The following PCDH15 variants were observed in gnomAD, a reference collection of about 807,000 sequenced individuals.
The protein encoded by PCDH15 is protocadherin related 15, also known as protocadherin-15.
Under a neutral mutation model 178.5 loss-of-function variants are expected in PCDH15, and 129 were observed. The ratio of observed to expected loss-of-function variants is 0.72; its 90% CI spans 0.63 to 0.84. The LOEUF is 0.84. Among genes scored for constraint, PCDH15 ranks in the 40% least tolerant of loss-of-function variants. PCDH15 has a pLI of 0.00. For synonymous variants in PCDH15, 800 were observed against 732.0 expected (o/e 1.09, Z -1.50); for missense variants, 2,230 against 2,099.9 (o/e 1.06, Z -1.21).
intron 1 of PCDH15, among the ~76,000 whole-genome samples, chr10:55,311,662 T>C (rs1843590333): frequency 6.6e-6 from 1 of 152,168 alleles, no homozygotes; most frequent in Non-Finnish European, 1.5e-5. Context: ...AGGTAGTAGG[T>C]AGGCAGCCTG....
intron 3 of PCDH15, among the ~76,000 whole-genome samples, chr10:54,473,644 A>C (rs1361459017): frequency 6.6e-6 from 1 of 152,056 alleles, no homozygotes; most frequent in African/African-American, 2.4e-5. Flanking sequence ...TCTTCAGTTT[A>C]TTATGAGTTC....
intron 13 of PCDH15, among the ~76,000 whole-genome samples, chr10:54,162,556 T>A (rs904120850): frequency 6.6e-6 from 1 of 152,184 alleles, no homozygotes; most frequent in Non-Finnish European, 1.5e-5. Flanking sequence ...TGAGAGAACA[T>A]TTTATAGCAA....
rs2093549782 is a variant in PCDH15 at position 54,626,337 on chromosome 10, C to T, written c.91+37835G>A. Among the ~76,000 whole-genome samples the T allele has an allele frequency of 3.3e-5, 5 of 152,158 alleles. No homozygotes were observed. In the South Asian group the frequency reaches 1.0e-3, roughly 32 times the overall value. On this transcript the variant is annotated intron_variant, in intron 2 of 37. Transcript: ENST00000644397. ...GTCTCCAGGGCCTGTCAGAGGTCTTCACAGCAGGCCCTTATACCACAGGCC... is the reference window on the plus strand; with the variant it reads ...GTCTCCAGGGCCTGTCAGAGGTCTTTACAGCAGGCCCTTATACCACAGGCC...
At chr10:54,515,682 C>T (rs900787510) in intron 3 of PCDH15, among the ~76,000 whole-genome samples, 7 of 152,342 alleles carry the variant, frequency 4.6e-5, no homozygotes, top group Non-Finnish European at 7.3e-5. Context: ...AGACTGCCTC[C>T]TTAAGTGGGT....
chr10:54,317,092 T>C (rs2061323162), intron 8 of PCDH15, among the ~76,000 whole-genome samples, 179 bp downstream of exon 8: 2 of 152,216 alleles, frequency 1.3e-5, no homozygotes, highest in Non-Finnish European at 2.9e-5. Context: ...ATTATATAAT[T>C]ACTCTTTGTG....
intron 28 of PCDH15, among the ~76,000 whole-genome samples, chr10:53,851,671 AATATATATATATATAT>A (rs71004485): frequency 0.017 from 1,745 of 104,492 alleles, 42 homozygotes; most frequent in African/African-American, 0.031. Context: ...TCCTCCTAGA[AATATATATATATATAT>A]ATATATATAT....
At chr10:54,383,631 G>T (rs1478791360) in intron 3 of PCDH15, among the ~76,000 whole-genome samples, 8 of 145,156 alleles carry the variant, frequency 5.5e-5, no homozygotes, top group African/African-American at 2.1e-4. Context: ...GTGTGTTTTT[G>T]TGTGTGTGTG....
intron 2 of PCDH15, among the ~76,000 whole-genome samples, chr10:54,598,770 C>T (rs1217977821): frequency 6.6e-6 from 1 of 152,012 alleles, no homozygotes; most frequent in Non-Finnish European, 1.5e-5. Context: ...ACAACTTCAG[C>T]AAAGTATCAA....
intron 1 of PCDH15, among the ~76,000 whole-genome samples, chr10:55,188,285 C>T (rs900265396): frequency 4.6e-5 from 7 of 151,540 alleles, no homozygotes; most frequent in Admixed American, 1.3e-4. Flanking sequence ...CTCACGCTTT[C>T]TATTTTTTTT....
At chr10:55,323,934 C>A (rs1377968620), upstream of PCDH15, among the ~76,000 whole-genome samples, 2 of 152,146 alleles carry the variant, frequency 1.3e-5, no homozygotes, top group Non-Finnish European at 2.9e-5. Context: ...AATGCCCATG[C>A]ATCAAGGATG....
chr10:55,620,314 T>G (rs1843565850), intron 2 of PCDH15, among the ~76,000 whole-genome samples: 2 of 152,072 alleles, frequency 1.3e-5, no homozygotes, highest in African/African-American at 2.4e-5. Flanking sequence ...AACTATTTTT[T>G]TTTTTGCATG....
intron 2 of PCDH15, among the ~76,000 whole-genome samples, chr10:55,330,010 T>C (rs1011337679): frequency 6.6e-6 from 1 of 151,802 alleles, no homozygotes; most frequent in African/African-American, 2.4e-5. Flanking sequence ...AATGACATAA[T>C]TGACATGTTA....
intron 2 of PCDH15, among the ~76,000 whole-genome samples, chr10:54,981,810 C>T (rs929809672): frequency 7.9e-5 from 12 of 152,034 alleles, no homozygotes; most frequent in African/African-American, 2.4e-4. Context: ...AGGTCTCATT[C>T]TGCTGCCCAG....
intron 3 of PCDH15, among the ~76,000 whole-genome samples, chr10:54,854,543 A>G (rs1584901): frequency 0.45 from 68,986 of 151,870 alleles, 18,012 homozygotes; most frequent in African/African-American, 0.71. Context: ...CTGCAGCCAG[A>G]GTGTCCCAAT....
At chr10:54,803,873 A>G (rs894477459), upstream of PCDH15, among the ~76,000 whole-genome samples, 12 of 152,112 alleles carry the variant, frequency 7.9e-5, no homozygotes, top group Non-Finnish European at 1.6e-4. Flanking sequence ...AAAAAATTTT[A>G]AAAGTCACAT....
At chr10:54,256,348 G>A (rs1227251808) in intron 8 of PCDH15, among the ~76,000 whole-genome samples, 1 of 152,058 alleles carries the variant, frequency 6.6e-6, no homozygotes, top group Non-Finnish European at 1.5e-5. Flanking sequence ...TGAATCAGAT[G>A]GTCAGCTTTA....
chr10:55,413,573 A>AT (rs1048808693), intron 2 of PCDH15, among the ~76,000 whole-genome samples: 2 of 151,700 alleles, frequency 1.3e-5, no homozygotes, highest in East Asian at 3.9e-4. Flanking sequence ...CTATCTATGT[A>AT]TTTTTTTCAA....
Position 54,581,968 on chromosome 10 carries a change from C to T in PCDH15, c.92-54091G>A, listed in dbSNP as rs188686128. ...ATGTAATACTTCAAACTATAAAAAC[C>T]CTAGAAAAAAACCCAAGCAACATCA... On this transcript the variant is annotated intron_variant, in intron 2 of 37. Coordinates refer to ENST00000644397, the MANE Select transcript of PCDH15 (RefSeq NM_001384140.1). Among the ~76,000 whole-genome samples, 568 of 151,806 alleles carry T rather than the reference C, an allele frequency of 3.7e-3. 3 individuals carry two copies. The highest frequency in any genetic ancestry group is 0.013 in the African/African-American group (522 of 41,402).
At position 54,175,667 on chromosome 10, in the gene PCDH15, G is replaced by T. The variant is rs185127891; in HGVS notation, c.1590+7777C>A. ...TGTCATGTAATGGTACAAAGTGGCA[G>T]AAAGAAATGCAACTAGCTAGCCTGC... is the stretch of plus-strand genomic sequence containing the variant. On this transcript the variant is annotated intron_variant, in intron 13 of 37. Transcript: ENST00000644397. 2.0e-3 allele frequency among the ~76,000 whole-genome samples: 309 copies of T among 152,254 alleles called. 1 individual carries two copies. The highest frequency in any genetic ancestry group is 3.7e-3 in the Admixed American group (56 of 15,296).
Sources: gnomAD v4.1 joint callset for allele counts (sites outside exome capture counted in the v4.1 genomes callset) on GRCh38, gnomAD v4.1.1 for gene constraint, MANE v1.5 for transcripts, NCBI Gene and HGNC (gene_info 2026-07-23, HGNC 2026-07-21) for gene names.